PMM2: variants seen among roughly 807,000 people sequenced by gnomAD.
PMM2 encodes the protein mannose-6-phosphate isomerase.
Under a neutral mutation model 33.2 loss-of-function variants are expected in PMM2, and 35 were observed. The ratio of observed to expected loss-of-function variants is 1.06; its 90% CI spans 0.81 to 1.40. The LOEUF (loss-of-function observed/expected upper bound fraction) is 1.40. Among genes scored for constraint, PMM2 ranks in the 40% most tolerant of loss-of-function variants. The probability of loss-of-function intolerance (pLI) is 0.00; values close to 1 mark genes in which losing one functional copy is unlikely to be tolerated. For synonymous variants in PMM2, 153 were observed against 114.7 expected, an observed-to-expected ratio of 1.33 and a Z score of -2.13; for missense variants, 386 against 306.0, an observed-to-expected ratio of 1.26 and a Z score of -1.95.
chr16:8,801,877 T>G lies in PMM2; in HGVS notation c.145T>G (p.Phe49Val), dbSNP rs768832263. The change falls in exon 2 of 8, where the codon TTT (phenylalanine) becomes GTT (valine). Residue 49 changes from phenylalanine to valine, a missense_variant. Phe to Val is a conservative substitution (Grantham distance 50, BLOSUM62 -1). Transcript: ENST00000268261. ...AATCGGAGTGGTAGGCGGATCGGAC[T>G]TTGAGAAAGTGCAGGAGCAACTGGG... ...IKIGVVGGSDFEKVQEQLGND... is the reference protein window; with the variant it reads ...IKIGVVGGSDVEKVQEQLGND... 6.2e-7 allele frequency: 1 copy of G among 1,611,580 alleles called. No homozygotes were observed. Among genetic ancestry groups the G allele is most frequent in the Admixed American group, 1.7e-5 (1 of 59,998 alleles).
chr16:8,797,874 A>G lies in PMM2; in HGVS notation c.-9A>G. ...CGTGTCTTGTAAGGTGCGGCTAGAA[A>G]CTGGGGACATGGCAGCGCCTGGCCC... On this transcript the variant is annotated 5_prime_UTR_variant, in exon 1 of 8. Coordinates refer to ENST00000268261, the MANE Select transcript of PMM2 (RefSeq NM_000303.3). The G allele has an allele frequency of 6.2e-7, 1 of 1,611,370 alleles. No individual in the cohort carries two copies. The highest frequency in any genetic ancestry group is 1.3e-5 in the African/African-American group (1 of 75,002).
At chr16:8,811,241 TGTG>T in intron 5 of PMM2, 63 bp downstream of exon 5, 2 of 1,107,808 alleles carry the variant, frequency 1.8e-6, no homozygotes, top group Non-Finnish European at 2.7e-6. Flanking sequence ...TATGGCCTGG[TGTG>T]GTGGTTCATG....
At position 8,811,122 on chromosome 16, in the gene PMM2, C is replaced by A; in HGVS notation, c.391C>A (p.Pro131Thr). 1 of 1,577,916 alleles carries A rather than the reference C, an allele frequency of 6.3e-7. No individual in the cohort carries two copies. Among genetic ancestry groups the A allele is most frequent in the East Asian group, 2.3e-5 (1 of 43,638 alleles). Residue 131 changes from proline (P) to threonine (T), a missense_variant, in exon 5 of 8, where the codon CCT becomes ACT. Transcript: ENST00000268261. ...CCGAAATGGGATGTTAAACGTGTCC[C>A]CTATTGGAAGAAGCTGCAGCCAAGA... is the stretch of plus-strand genomic sequence containing the variant. ...EFRNGMLNVS[P>T]IGRSCSQEER...
At chr16:8,803,067 C>T (rs1241557007) in intron 2 of PMM2, among the ~76,000 whole-genome samples, 10 of 152,270 alleles carry the variant, frequency 6.6e-5, no homozygotes, top group East Asian at 1.9e-4. Flanking sequence ...CATACACACA[C>T]GCACACATAC....
intron 2 of PMM2, chr16:8,802,235 C>T (rs867963533): frequency 6.6e-6 from 3 of 457,440 alleles, no homozygotes; most frequent in Middle Eastern, 3.3e-4. Flanking sequence ...CCAGTCAGAC[C>T]GGTCTTCATA....
In PMM2 at chr16:8,811,097, C is replaced by G. The variant is rs145714866; in HGVS notation, c.366C>G (p.Phe122Leu). 4.5e-6 allele frequency: 7 copies of G among 1,569,770 alleles called. No homozygotes were observed. The highest frequency in any genetic ancestry group is 6.1e-6 in the Non-Finnish European group (7 of 1,153,510). ...LPKKRGTFIEFRNGMLNVSPI... is the reference protein window; with the variant it reads ...LPKKRGTFIELRNGMLNVSPI... ...TTCCCAGGGGTACTTTCATTGAATT[C>G]CGAAATGGGATGTTAAACGTGTCCC... The change falls in exon 5 of 8, where the codon TTC (phenylalanine) becomes TTG (leucine). Residue 122 changes from phenylalanine to leucine, a missense_variant. Physicochemically the swap from Phe to Leu is conservative, Grantham distance 22. Transcript: ENST00000268261.
intron 7 of PMM2, among the ~76,000 whole-genome samples, chr16:8,828,025 C>CTT (rs71153002): frequency 0.18 from 12,062 of 66,500 alleles, 2,349 homozygotes; most frequent in South Asian, 0.27. Flanking sequence ...CTGTAGAACT[C>CTT]TTTTTTTTTT....
intron 4 of PMM2, chr16:8,810,632 A>C (rs970811869): frequency 5.7e-5 from 10 of 176,916 alleles, no homozygotes; most frequent in Admixed American, 3.7e-4. Flanking sequence ...ACTGGAGTGC[A>C]GTGGTGTGAT....
intron 4 of PMM2, chr16:8,808,070 A>G (rs571978659): frequency 5.3e-5 from 8 of 152,208 alleles, no homozygotes; most frequent in African/African-American, 1.9e-4. Flanking sequence ...TGGCAATTCA[A>G]TTTCAGGGCT....
chr16:8,808,466 G>C (rs1290959462), intron 4 of PMM2: 1 of 152,090 alleles, frequency 6.6e-6, no homozygotes, highest in East Asian at 1.9e-4. Flanking sequence ...CAGTAGAAGA[G>C]ACCTGGTGAA....
intron 7 of PMM2, among the ~76,000 whole-genome samples, chr16:8,820,579 C>T (rs760442499): frequency 6.6e-6 from 1 of 152,120 alleles, no homozygotes; most frequent in African/African-American, 2.4e-5. Flanking sequence ...GTCTTGAACT[C>T]CTAACCTCAA....
intron 7 of PMM2, among the ~76,000 whole-genome samples, chr16:8,845,624 G>C (rs1281132750): frequency 1.3e-5 from 2 of 151,728 alleles, no homozygotes; most frequent in Non-Finnish European, 2.9e-5. Flanking sequence ...TGTTGCCCAG[G>C]CTGAAGTACA....
At chr16:8,810,695 A>G (rs571249236) in intron 4 of PMM2, 19 of 329,006 alleles carry the variant, frequency 5.8e-5, no homozygotes, top group African/African-American at 3.7e-4. Context: ...TCCTGCCTCA[A>G]CCTCCTGAGT....
At chr16:8,841,652 G>A (rs1369232836) in intron 7 of PMM2, among the ~76,000 whole-genome samples, 3 of 146,166 alleles carry the variant, frequency 2.1e-5, no homozygotes, top group East Asian at 4.0e-4. Context: ...GCTATGTGGC[G>A]ATTAGGCCTG....
At chr16:8,807,361 C>G (rs2060653475) in intron 4 of PMM2, among the ~76,000 whole-genome samples, 1 of 152,142 alleles carries the variant, frequency 6.6e-6, no homozygotes, top group South Asian at 2.1e-4. Flanking sequence ...AATCTGAGAC[C>G]TGGCTACTCC....
chr16:8,834,133 T>C (rs1438791124), intron 7 of PMM2, among the ~76,000 whole-genome samples: 1 of 152,192 alleles, frequency 6.6e-6, no homozygotes, highest in Non-Finnish European at 1.5e-5. Context: ...GGCTGTACCT[T>C]GTAGCATTCT....
chr16:8,813,070 T>C lies in PMM2; in HGVS notation c.603T>C (p.Tyr201=), dbSNP rs1202400777. 1 of 1,610,962 alleles carries C rather than the reference T, an allele frequency of 6.2e-7. No individual in the cohort carries two copies. The highest frequency in any genetic ancestry group is 1.3e-5 in the African/African-American group (1 of 74,896). ...YCLRHVENDG[Y]KTIYFFGDKT... ...TGCGACATGTGGAAAATGACGGTTA[T>C]AAGACCATTTATTTCTTTGGAGACA... Residue 201 remains tyrosine (Y), a synonymous_variant, in exon 7 of 8, where the codon TAT becomes TAC. Transcript: ENST00000268261.
At chr16:8,832,189 TGA>T in intron 7 of PMM2, 3 of 985,378 alleles carry the variant, frequency 3.0e-6, no homozygotes, top group Non-Finnish European at 3.6e-6. Flanking sequence ...CACCATGCTC[TGA>T]GAGTCACAAA....
At chr16:8,817,605 T>A (rs148040695) in intron 7 of PMM2, among the ~76,000 whole-genome samples, 11 of 152,356 alleles carry the variant, frequency 7.2e-5, no homozygotes, top group African/African-American at 2.4e-4. Context: ...TTCTATTCTG[T>A]TTAACCATTG....
Sources: gnomAD v4.1 joint callset for allele counts (sites outside exome capture counted in the v4.1 genomes callset) on GRCh38, gnomAD v4.1.1 for gene constraint, MANE v1.5 for transcripts, NCBI Gene and HGNC (gene_info 2026-07-23, HGNC 2026-07-21) for gene names.